Variants in DNAH3 observed in about 807,000 individuals in gnomAD.
The protein encoded by DNAH3 is dynein axonemal heavy chain 3, also known as axonemal beta dynein heavy chain 3.
A neutral mutation model predicts 432.5 loss-of-function variants in DNAH3; 332 were observed. The observed-to-expected ratio is 0.77, with a 90% CI of 0.70 to 0.84. The LOEUF is 0.84. DNAH3 is among the 40% of genes least tolerant of loss of function. DNAH3 has a pLI of 0.00. For missense variants in DNAH3, 4,861 were observed against 5,114.0 expected, an observed-to-expected ratio of 0.95 and a Z score of 1.51; for synonymous variants, 1,956 against 1,900.2, an observed-to-expected ratio of 1.03 and a Z score of -0.76.
chr16:20,982,252 C>T (rs2085944106), intron 49 of DNAH3, among the ~76,000 whole-genome samples: 2 of 152,060 alleles, frequency 1.3e-5, no homozygotes, highest in Non-Finnish European at 2.9e-5. Flanking sequence ...GACGTGATGG[C>T]AGGTGCCTGT....
chr16:21,103,145 T>G (rs766148624), intron 16 of DNAH3, among the ~76,000 whole-genome samples: 1 of 152,084 alleles, frequency 6.6e-6, no homozygotes, highest in Non-Finnish European at 1.5e-5. Flanking sequence ...AATGATACAA[T>G]GGACTTTGGG....
intron 54 of DNAH3, among the ~76,000 whole-genome samples, chr16:20,957,795 G>A (rs1259041241): frequency 1.9e-4 from 13 of 68,338 alleles, no homozygotes; most frequent in African/African-American, 5.4e-4. Context: ...CAATAAGAGC[G>A]AAACTCCATC....
Position 21,100,475 on chromosome 16 carries a change from C to T in DNAH3, c.2367-1706G>A, listed in dbSNP as rs986335289. Reference sequence around the variant, plus strand: ...GAATATCCTTAGTGTAAAAACATTTCATTCATTCACTCATTAAAATGGTGA... The same window carrying T: ...GAATATCCTTAGTGTAAAAACATTTTATTCATTCACTCATTAAAATGGTGA... On this transcript the variant is annotated intron_variant, in intron 16 of 61. Coordinates refer to ENST00000261383, the Ensembl canonical transcript of DNAH3. Among the ~76,000 whole-genome samples the T allele has an allele frequency of 2.0e-5, 3 of 152,172 alleles. No individual in the cohort carries two copies. In the South Asian group the frequency reaches 6.2e-4, roughly 32 times the overall value.
chr16:21,030,260 T>C (rs762293709), intron 37 of DNAH3, among the ~76,000 whole-genome samples: 1 of 152,166 alleles, frequency 6.6e-6, no homozygotes, highest in Non-Finnish European at 1.5e-5. Context: ...GTTTCAAGCA[T>C]AGCTCTTAAT....
At chr16:20,966,537 C>T (rs979248980) in intron 52 of DNAH3, among the ~76,000 whole-genome samples, 14 of 152,146 alleles carry the variant, frequency 9.2e-5, no homozygotes, top group Admixed American at 9.2e-4. Context: ...GCACTTATTG[C>T]AACCTGTAAG....
intron 19 of DNAH3, among the ~76,000 whole-genome samples, chr16:21,083,986 C>T (rs1394156122): frequency 6.6e-6 from 1 of 152,192 alleles, no homozygotes; most frequent in African/African-American, 2.4e-5. Context: ...CCGGCCCTCT[C>T]TCACTGTGGT....
chr16:20,975,471 G>A (rs1028015460), intron 50 of DNAH3, 56 bp from the exon 51 acceptor site: 3 of 1,521,252 alleles, frequency 2.0e-6, no homozygotes, highest in South Asian at 2.4e-5. Flanking sequence ...TGGCAAAGTA[G>A]ACAAGAATTG....
chr16:21,019,408 C>T, intron 41 of DNAH3: 1 of 593,674 alleles, frequency 1.7e-6, no homozygotes, highest in South Asian at 2.0e-5. Flanking sequence ...GATCTGCCCA[C>T]CTCAGCCTCC....
At chr16:21,141,196 G>T in intron 4 of DNAH3, 104 bp downstream of exon 5, 1 of 830,142 alleles carries the variant, frequency 1.2e-6, no homozygotes, top group Non-Finnish European at 1.9e-6. Context: ...ATGATTATCT[G>T]GGAATGCTTT....
intron 42 of DNAH3, 30 bp from the exon 43 acceptor site, chr16:21,000,548 G>C (rs2086970258): frequency 1.3e-6 from 2 of 1,557,244 alleles, no homozygotes; most frequent in African/African-American, 1.4e-5. Context: ...GAGAGTCTCG[G>C]TTGTGGGCCC....
chr16:20,939,714 A>C (rs1415236990), intron 59 of DNAH3, among the ~76,000 whole-genome samples: 2 of 152,156 alleles, frequency 1.3e-5, no homozygotes, highest in Non-Finnish European at 2.9e-5. Flanking sequence ...GGCTGTCCTT[A>C]AAATGAAGCA....
intron 24 of DNAH3, among the ~76,000 whole-genome samples, chr16:21,063,814 C>CTGTA (rs1416491176): frequency 6.6e-6 from 1 of 152,144 alleles, no homozygotes; most frequent in Non-Finnish European, 1.5e-5. Flanking sequence ...AGTACTGGGA[C>CTGTA]TGTAAATGTG....
intron 42 of DNAH3, among the ~76,000 whole-genome samples, chr16:21,002,834 T>A (rs1335414084): frequency 6.6e-6 from 1 of 152,178 alleles, no homozygotes; most frequent in Non-Finnish European, 1.5e-5. Context: ...GCATGTGCCA[T>A]GTGTTCATGT....
intron 1 of DNAH3, among the ~76,000 whole-genome samples, chr16:21,147,431 G>A (rs1363636716): frequency 6.6e-6 from 1 of 152,064 alleles, no homozygotes; most frequent in Admixed American, 6.6e-5. Flanking sequence ...GGTCAGGCTG[G>A]TCTTGAACTC....
chr16:21,097,441 T>C, exon 18 of DNAH3: 3 of 1,614,022 alleles, frequency 1.9e-6, no homozygotes, highest in Non-Finnish European at 2.5e-6. Context: ...CAGCATGGCC[T>C]GCAGAAGAGG....
chr16:21,067,068 A>G (rs2090578611), intron 24 of DNAH3, among the ~76,000 whole-genome samples: 1 of 152,212 alleles, frequency 6.6e-6, no homozygotes. Flanking sequence ...GGTTTGGACA[A>G]CGTGTGCATT....
intron 1 of DNAH3, among the ~76,000 whole-genome samples, chr16:21,154,441 T>C (rs1425188435): frequency 1.3e-5 from 2 of 152,056 alleles, no homozygotes; most frequent in African/African-American, 4.8e-5. Context: ...GATGTGGAGC[T>C]AATGGACCCT....
At chr16:21,152,391 G>A (rs1424232954) in intron 1 of DNAH3, among the ~76,000 whole-genome samples, 1 of 152,180 alleles carries the variant, frequency 6.6e-6, no homozygotes, top group Non-Finnish European at 1.5e-5. Flanking sequence ...ACATTCCCGA[G>A]TTCCTATGAA....
In DNAH3 at chr16:20,936,631, C is replaced by A. The variant is rs2083598857; in HGVS notation, c.11859+18G>T. The A allele has an allele frequency of 1.9e-6, 3 of 1,574,066 alleles. No homozygotes were observed. The highest frequency in any genetic ancestry group is 1.8e-5 in the Admixed American group (1 of 55,884). ...AGCAAGCATGCCAGGTTCCCGGTTA[C>A]CCCTGACTCCCAGGTACCTGGAAGA... On this transcript the variant is annotated intron_variant, in intron 60 of 61. Coordinates refer to ENST00000261383, the Ensembl canonical transcript of DNAH3.
Sources: gnomAD v4.1 joint callset for allele counts (sites outside exome capture counted in the v4.1 genomes callset) on GRCh38, gnomAD v4.1.1 for gene constraint, MANE v1.5 for transcripts, NCBI Gene and HGNC (gene_info 2026-07-23, HGNC 2026-07-21) for gene names.